The following ASB15 variants were observed in gnomAD, a reference collection of about 807,000 sequenced individuals.
ASB15 encodes the protein ankyrin repeat and SOCS box containing 15.
A neutral mutation model predicts 58.0 loss-of-function variants in ASB15; 54 were observed. The observed-to-expected ratio is 0.93, with a 90% CI of 0.75 to 1.17. ASB15 has a LOEUF of 1.17. ASB15 is among the 50% of genes most tolerant of loss of function. The pLI is 0.00. For missense variants in ASB15, 680 were observed against 707.4 expected, an observed-to-expected ratio of 0.96 and a Z score of 0.44; for synonymous variants, 249 against 262.4, an observed-to-expected ratio of 0.95 and a Z score of 0.50.
rs1802455925 is a variant in ASB15 at position 123,636,879 on chromosome 7, C to A, written c.1665C>A (p.Cys555Ter). ...IRRLMGLQKL[C>*]QPASVEKLPL... The stretch of plus-strand genomic sequence containing the variant: ...GGCTTATGGGTCTCCAGAAACTCTG[C>A]CAGCCAGCCTCAGTGGAGAAGCTTC... Residue 555 changes from cysteine to a stop codon, truncating the protein, a stop_gained, in exon 12 of 12, where the codon TGC becomes TGA. Coordinates refer to ENST00000451215, the MANE Select transcript of ASB15 (RefSeq NM_001290258.2). LOFTEE classifies it high-confidence loss of function. The A allele has an allele frequency of 6.2e-7, 1 of 1,606,616 alleles. No homozygotes were observed. Among genetic ancestry groups the A allele is most frequent in the African/African-American group, 1.3e-5 (1 of 74,106 alleles).
intron 1 of ASB15, among the ~76,000 whole-genome samples, chr7:123,578,337 G>A (rs566360184): frequency 3.3e-4 from 50 of 151,742 alleles, no homozygotes; most frequent in African/African-American, 1.2e-3. Context: ...CAGTATTCCT[G>A]TGACTAGAAC....
chr7:123,627,081 T>C (rs746879716), intron 8 of ASB15, 29 bp from the exon 9 acceptor site: 40 of 1,598,666 alleles, frequency 2.5e-5, no homozygotes, highest in Non-Finnish European at 3.4e-5. Context: ...ACCATCCAGT[T>C]ATCATTATGC....
chr7:123,617,418 T>C (rs1800890561), intron 6 of ASB15, among the ~76,000 whole-genome samples, 161 bp from the exon 7 acceptor site: 1 of 152,246 alleles, frequency 6.6e-6, no homozygotes, highest in Non-Finnish European at 1.5e-5. Flanking sequence ...GTGCATCTAC[T>C]TTATCCTCAC....
At chr7:123,586,566 G>T (rs1295147261) in intron 1 of ASB15, among the ~76,000 whole-genome samples, 1 of 151,554 alleles carries the variant, frequency 6.6e-6, no homozygotes, top group East Asian at 1.9e-4. Context: ...TGATTTGCTT[G>T]TACTTGTTTA....
At chr7:123,624,087 T>C (rs1801601493) in intron 7 of ASB15, among the ~76,000 whole-genome samples, 1 of 152,134 alleles carries the variant, frequency 6.6e-6, no homozygotes, top group Non-Finnish European at 1.5e-5. Context: ...CCTGTTTCTA[T>C]AGGGGAAACC....
intron 1 of ASB15, among the ~76,000 whole-genome samples, chr7:123,588,806 C>A (rs1799448032): frequency 6.6e-6 from 1 of 151,248 alleles, no homozygotes; most frequent in Non-Finnish European, 1.5e-5. Context: ...TTTAAATTTC[C>A]CTTTTGATTT....
chr7:123,625,886 G>A lies in ASB15; in HGVS notation c.697+1072G>A, dbSNP rs566730792. 1.1e-4 allele frequency among the ~76,000 whole-genome samples: 16 copies of A among 152,244 alleles called. No homozygotes were observed. In the South Asian group the frequency reaches 3.1e-3, roughly 30 times the overall value. On this transcript the variant is annotated intron_variant, in intron 8 of 11. Coordinates refer to ENST00000451215, the MANE Select transcript of ASB15 (RefSeq NM_001290258.2). ...TTTTGAGGTGTCCCAATACAACCAC[G>A]TTTAATTTTCAAATAAGCCCTGTGA...
chr7:123,578,078 T>C (rs1187751183), intron 1 of ASB15, among the ~76,000 whole-genome samples: 4 of 150,082 alleles, frequency 2.7e-5, no homozygotes, highest in African/African-American at 9.8e-5. Flanking sequence ...GTGTGTGAAG[T>C]TCCCCTCCCT....
At chr7:123,597,922 G>GTGTGTA (rs367654245), upstream of ASB15, among the ~76,000 whole-genome samples, 2 of 117,188 alleles carry the variant, frequency 1.7e-5, no homozygotes, top group African/African-American at 3.2e-5. Context: ...AACTTCGTGT[G>GTGTGTA]TGTGTGTGTG....
chr7:123,568,508 C>T lies in ASB15; in HGVS notation c.-443+1420C>T, dbSNP rs184993741. Among the ~76,000 whole-genome samples, 11 of 144,362 alleles carry T rather than the reference C, an allele frequency of 7.6e-5. No homozygotes were observed. In the East Asian group the frequency reaches 2.0e-3, roughly 26 times the overall value. The allele number at this position is 144,362 out of a possible 152,430, so 94.7% of individuals were successfully genotyped here. On this transcript the variant is annotated intron_variant, in intron 1 of 13. Coordinates refer to the ASB15 transcript ENST00000451558. The stretch of plus-strand genomic sequence containing the variant: ...TGCACTCCAGCCTGAACAACAAGAG[C>T]GAAAGTCCATCTCAAGAAAAAAAAA...
intron 10 of ASB15, among the ~76,000 whole-genome samples, 184 bp from the exon 11 acceptor site, chr7:123,629,782 C>T (rs536758723): frequency 3.3e-5 from 5 of 152,124 alleles, no homozygotes; most frequent in Admixed American, 6.5e-5. Context: ...CAGAGCCAGG[C>T]GAGTCTTCAG....
intron 2 of ASB15, among the ~76,000 whole-genome samples, chr7:123,605,998 A>T (rs1372093877): frequency 6.8e-6 from 1 of 147,086 alleles, no homozygotes; most frequent in Non-Finnish European, 1.5e-5. Context: ...AATGAAAGTT[A>T]AAAAAAATAA....
At chr7:123,596,845 T>C (rs541271924), upstream of ASB15, among the ~76,000 whole-genome samples, 14 of 152,338 alleles carry the variant, frequency 9.2e-5, no homozygotes, top group African/African-American at 3.4e-4. Context: ...TCAGAGAGAA[T>C]AGAGTACAAT....
At position 123,614,539 on chromosome 7, in the gene ASB15, A is replaced by G; in HGVS notation, c.37A>G (p.Thr13Ala). 1.2e-6 allele frequency: 2 copies of G among 1,610,340 alleles called. No individual in the cohort carries two copies. Among genetic ancestry groups the G allele is most frequent in the Non-Finnish European group, 1.7e-6 (2 of 1,176,866 alleles). ...TGATGACCCTGATGAAGACCATCTTACAAGTTATGATATTCAGCTAAGTAT... is the reference window on the plus strand; with the variant it reads ...TGATGACCCTGATGAAGACCATCTTGCAAGTTATGATATTCAGCTAAGTAT... ...TNDDPDEDHL[T>A]SYDIQLSIQE... Residue 13 changes from threonine to alanine, a missense_variant, in exon 4 of 12, where the codon ACA becomes GCA. Transcript: ENST00000451215.
chr7:123,569,267 T>C (rs1798840016), intron 1 of ASB15, among the ~76,000 whole-genome samples: 1 of 152,186 alleles, frequency 6.6e-6, no homozygotes, highest in South Asian at 2.1e-4. Context: ...AAGCTTTTCT[T>C]CTTTTAAATG....
intron 1 of ASB15, among the ~76,000 whole-genome samples, chr7:123,577,601 A>G (rs1799100413): frequency 6.6e-6 from 1 of 152,166 alleles, no homozygotes; most frequent in Non-Finnish European, 1.5e-5. Flanking sequence ...CAGGTTTTGA[A>G]AACTCCAAAA....
At chr7:123,627,413 T>A (rs1177622732) in intron 9 of ASB15, 132 bp downstream of exon 9, 3 of 664,712 alleles carry the variant, frequency 4.5e-6, no homozygotes, top group Non-Finnish European at 6.8e-6. Flanking sequence ...GTTTTGATGC[T>A]CCAAATTTAG....
intron 1 of ASB15, among the ~76,000 whole-genome samples, chr7:123,578,851 T>C (rs1392294695): frequency 6.6e-6 from 1 of 152,166 alleles, no homozygotes; most frequent in East Asian, 1.9e-4. Context: ...AAATAACTAG[T>C]TCTGTTTGTC....
chr7:123,601,838 C>CATTG lies in ASB15; in HGVS notation c.-320_-317dup, dbSNP rs1799896327. On this transcript the variant is annotated 5_prime_UTR_variant, in exon 1 of 12. Coordinates refer to ENST00000451215, the MANE Select transcript of ASB15 (RefSeq NM_001290258.2). ...TTAATTTTAGATACACAGAAGCACA[C>CATTG]ATTGGCTCCAGGGCACTTCCTCTGA... The CATTG allele has an allele frequency of 6.6e-6, 1 of 152,142 alleles. No homozygotes were observed. The highest frequency in any genetic ancestry group is 1.5e-5 in the Non-Finnish European group (1 of 68,022). 9.4% of individuals were successfully genotyped at this position (152,142 alleles called of 1,614,324 possible).
Sources: allele counts gnomAD v4.1 joint callset (sites outside exome capture counted in the v4.1 genomes callset), GRCh38; gene constraint gnomAD v4.1.1; transcripts MANE v1.5; gene names NCBI Gene and HGNC (gene_info 2026-07-23, HGNC 2026-07-21).